DENND1A: variants seen among roughly 807,000 people sequenced by gnomAD.
The protein encoded by DENND1A is DENN domain-containing protein 1A.
In DENND1A, 51 loss-of-function variants were observed where a neutral mutation model predicts 113.7. The ratio of observed to expected loss-of-function variants is 0.45; its 90% CI spans 0.36 to 0.57. The LOEUF is 0.57. Among genes scored for constraint, DENND1A ranks in the 20% least tolerant of loss-of-function variants. DENND1A has a pLI of 0.00. For synonymous variants in DENND1A, 565 were observed against 570.8 expected (o/e 0.99, Z 0.14); for missense variants, 1,258 against 1,395.9 (o/e 0.90, Z 1.57).
At chr9:123,734,954 G>A (rs1264396433) in intron 5 of DENND1A, among the ~76,000 whole-genome samples, 2 of 152,064 alleles carry the variant, frequency 1.3e-5, no homozygotes, top group Non-Finnish European at 2.9e-5. Context: ...TTTGATCCTC[G>A]CTACAATCCT....
intron 5 of DENND1A, among the ~76,000 whole-genome samples, chr9:123,748,325 A>C (rs1252746018): frequency 6.6e-6 from 1 of 152,214 alleles, no homozygotes; most frequent in Non-Finnish European, 1.5e-5. Flanking sequence ...AGTTTTCTAA[A>C]TTTCTCTAAT....
intron 1 of DENND1A, among the ~76,000 whole-genome samples, chr9:123,887,146 G>A (rs1849219201): frequency 6.6e-6 from 1 of 152,156 alleles, no homozygotes; most frequent in African/African-American, 2.4e-5. Context: ...CATTTGCAAA[G>A]GTGATATTTA....
chr9:123,800,750 C>T (rs982016788), intron 2 of DENND1A, among the ~76,000 whole-genome samples: 1 of 152,146 alleles, frequency 6.6e-6, no homozygotes, highest in African/African-American at 2.4e-5. Context: ...GTAACTGGCA[C>T]TCTATTCAAC....
At chr9:123,411,714 A>C in intron 20 of DENND1A, 62 bp downstream of exon 20, 1 of 978,048 alleles carries the variant, frequency 1.0e-6, no homozygotes, top group Non-Finnish European at 1.2e-6. Flanking sequence ...AGGTTTAGTC[A>C]GGCTGAGGGA....
chr9:123,420,335 C>T (rs191890524), intron 19 of DENND1A, among the ~76,000 whole-genome samples: 55 of 152,288 alleles, frequency 3.6e-4, no homozygotes, highest in Middle Eastern at 6.8e-3. Flanking sequence ...GCAGAGAGGT[C>T]GGGCTGGGCT....
At chr9:123,614,765 A>G (rs2060570325) in intron 10 of DENND1A, among the ~76,000 whole-genome samples, 1 of 152,194 alleles carries the variant, frequency 6.6e-6, no homozygotes. Context: ...TCCACGTTAC[A>G]ATATACACAT....
At chr9:123,496,900 T>C (rs1317169975) in intron 13 of DENND1A, among the ~76,000 whole-genome samples, 1 of 152,216 alleles carries the variant, frequency 6.6e-6, no homozygotes, top group Non-Finnish European at 1.5e-5. Context: ...CTGCCCACTG[T>C]CATTTTGGGT....
intron 2 of DENND1A, among the ~76,000 whole-genome samples, chr9:123,851,894 T>C (rs1452512710): frequency 6.6e-6 from 1 of 152,212 alleles, no homozygotes; most frequent in Admixed American, 6.5e-5. Context: ...ACAGGTTCTC[T>C]TTTATTTAAA....
intron 13 of DENND1A, among the ~76,000 whole-genome samples, chr9:123,513,535 C>T (rs927848152): frequency 2.0e-5 from 3 of 152,202 alleles, no homozygotes; most frequent in African/African-American, 7.2e-5. Flanking sequence ...CACACCAAGG[C>T]CCAGGGTCTG....
At chr9:123,479,216 G>C (rs542276844) in intron 13 of DENND1A, among the ~76,000 whole-genome samples, 1 of 152,344 alleles carries the variant, frequency 6.6e-6, no homozygotes, top group South Asian at 2.1e-4. Flanking sequence ...AGACATGTCT[G>C]AGTCTAAAGT....
At chr9:123,740,899 T>TGAGAGAGTGA (rs2068953709) in intron 5 of DENND1A, among the ~76,000 whole-genome samples, 2 of 108,868 alleles carry the variant, frequency 1.8e-5, no homozygotes, top group African/African-American at 7.5e-5. Context: ...GAAGGGAAAG[T>TGAGAGAGTGA]GAGAGAGAGA....
chr9:123,873,225 C>T (rs1846927890), intron 2 of DENND1A, among the ~76,000 whole-genome samples: 2 of 152,176 alleles, frequency 1.3e-5, no homozygotes, highest in Admixed American at 1.3e-4. Flanking sequence ...TAACTAGTAA[C>T]TAGAAAATCT....
intron 11 of DENND1A, among the ~76,000 whole-genome samples, chr9:123,585,881 T>A (rs1309818976): frequency 6.6e-6 from 1 of 152,202 alleles, no homozygotes; most frequent in African/African-American, 2.4e-5. Context: ...GCTGCTGTGA[T>A]GAGAGCAAAC....
At chr9:123,544,555 C>T (rs1169476572) in intron 13 of DENND1A, among the ~76,000 whole-genome samples, 1 of 152,156 alleles carries the variant, frequency 6.6e-6, no homozygotes, top group East Asian at 1.9e-4. Context: ...GTCACCAGAA[C>T]CAGGCAGATG....
intron 13 of DENND1A, among the ~76,000 whole-genome samples, chr9:123,516,143 CACACACACACACA>C (rs767326112): frequency 0.074 from 6,543 of 88,670 alleles, 480 homozygotes; most frequent in African/African-American, 0.2. Flanking sequence ...CACACACACA[CACACACACACACA>C]AAGGTTGGGG....
At chr9:123,403,173 A>T (rs2043635186) in intron 21 of DENND1A, among the ~76,000 whole-genome samples, 2 of 152,194 alleles carry the variant, frequency 1.3e-5, no homozygotes, top group African/African-American at 4.8e-5. Flanking sequence ...CACCCCTCGA[A>T]ATCCAGCCCA....
At chr9:123,399,051 C>T (rs1159695059) in intron 21 of DENND1A, among the ~76,000 whole-genome samples, 2 of 152,088 alleles carry the variant, frequency 1.3e-5, no homozygotes, top group African/African-American at 4.8e-5. Context: ...CCGCCTCGGC[C>T]TCCCAAGGTG....
rs775882728 is a variant in DENND1A, at chr9:123,514,065, G to GGTGTGTGTGTGTGTGTGT, written c.993+43487_993+43504dup. Among the ~76,000 whole-genome samples the GGTGTGTGTGTGTGTGTGT allele has an allele frequency of 3.1e-4, 34 of 109,290 alleles. 1 individual carries two copies. The highest frequency in any genetic ancestry group is 2.4e-3 in the Admixed American group (24 of 9,918). 71.7% of individuals were successfully genotyped at this position (109,290 alleles called of 152,430 possible). A position where few individuals can be genotyped will look rare whatever the true frequency, so the allele number is the denominator to read the frequency against. On this transcript the variant is annotated intron_variant, in intron 13 of 23. Transcript: ENST00000394215. ...TGGGCAAGGTAGGGTTCTATTTTGA[G>GGTGTGTGTGTGTGTGTGT]GTGTGTGTGTGTGTGTGTGTGTGTG...
chr9:123,770,501 G>A (rs994244158), intron 3 of DENND1A, among the ~76,000 whole-genome samples: 6 of 152,164 alleles, frequency 3.9e-5, no homozygotes, highest in Non-Finnish European at 7.3e-5. Flanking sequence ...TAGACAGGTA[G>A]TTAGTTATTA....
Sources: gnomAD v4.1 joint callset for allele counts (sites outside exome capture counted in the v4.1 genomes callset) on GRCh38, gnomAD v4.1.1 for gene constraint, MANE v1.5 for transcripts, NCBI Gene and HGNC (gene_info 2026-07-23, HGNC 2026-07-21) for gene names.